The following KCNH7 variants were observed in gnomAD, a reference collection of about 807,000 sequenced individuals.
KCNH7 encodes potassium voltage-gated channel subfamily H member 7, also known as voltage-gated inwardly rectifying potassium channel KCNH7.
In KCNH7, 49 loss-of-function variants were observed where a neutral mutation model predicts 120.8. The ratio of observed to expected loss-of-function variants is 0.41; its 90% CI spans 0.32 to 0.51. KCNH7 has a LOEUF of 0.51. Among genes scored for constraint, KCNH7 ranks in the 20% least tolerant of loss-of-function variants. The pLI is 0.38. For synonymous variants in KCNH7, 547 were observed against 516.1 expected (o/e 1.06, Z -0.81); for missense variants, 1,097 against 1,446.6 (o/e 0.76, Z 3.92).
chr2:162,379,340 C>T (rs1230053264), intron 14 of KCNH7, among the ~76,000 whole-genome samples: 1 of 152,168 alleles, frequency 6.6e-6, no homozygotes, highest in Non-Finnish European at 1.5e-5. Context: ...ATTTATTCAT[C>T]ATGTTAAGTG....
chr2:162,522,095 T>C (rs1691551045), intron 3 of KCNH7, among the ~76,000 whole-genome samples: 1 of 151,934 alleles, frequency 6.6e-6, no homozygotes. Flanking sequence ...ACAACTGTTT[T>C]GCAAGCATTC....
At chr2:162,664,545 T>A (rs1346906197) in intron 2 of KCNH7, among the ~76,000 whole-genome samples, 1 of 152,198 alleles carries the variant, frequency 6.6e-6, no homozygotes, top group African/African-American at 2.4e-5. Context: ...AATCTGAATC[T>A]AATTCTAATT....
intron 2 of KCNH7, among the ~76,000 whole-genome samples, chr2:162,596,357 A>T (rs1694380711): frequency 6.6e-6 from 1 of 152,070 alleles, no homozygotes; most frequent in African/African-American, 2.4e-5. Flanking sequence ...ACAACAGACA[A>T]ATCAACTAAT....
At chr2:162,475,543 C>T (rs1473403100) in intron 6 of KCNH7, among the ~76,000 whole-genome samples, 1 of 152,134 alleles carries the variant, frequency 6.6e-6, no homozygotes, top group East Asian at 1.9e-4. Flanking sequence ...ATAACACATA[C>T]AGTACAGCCA....
chr2:162,386,466 GTTTCATTTTTCT>G (rs1686574457), intron 12 of KCNH7, among the ~76,000 whole-genome samples: 1 of 151,780 alleles, frequency 6.6e-6, no homozygotes, highest in African/African-American at 2.4e-5. Flanking sequence ...AAAAACGAAA[GTTTCATTTTTCT>G]AAATTATCCT....
chr2:162,606,961 T>C (rs927901998), intron 2 of KCNH7, among the ~76,000 whole-genome samples: 8 of 152,162 alleles, frequency 5.3e-5, no homozygotes, highest in African/African-American at 1.9e-4. Flanking sequence ...TTGGGAATGT[T>C]ATATTATCAC....
rs77171708 is a variant in KCNH7, at chr2:162,497,531, A to T, written c.1128+6912T>A. On this transcript the variant is annotated intron_variant, in intron 6 of 15. Transcript: ENST00000332142. Reference sequence around the variant, plus strand: ...GGTGTCACAGTCAAATGTTACAAGTATGTCCAACTGCCACAGTAACTCCTG... The same window carrying T: ...GGTGTCACAGTCAAATGTTACAAGTTTGTCCAACTGCCACAGTAACTCCTG... Among the ~76,000 whole-genome samples the T allele has an allele frequency of 9.2e-3, 1,404 of 152,282 alleles. 30 individuals carry two copies. The highest frequency in any genetic ancestry group is 0.032 in the African/African-American group (1,337 of 41,548).
intron 2 of KCNH7, among the ~76,000 whole-genome samples, chr2:162,788,959 A>G (rs1683815282): frequency 1.4e-5 from 2 of 147,360 alleles, no homozygotes; most frequent in Admixed American, 6.8e-5. Flanking sequence ...ATGCCAGAAG[A>G]TGATGGGATG....
At chr2:162,670,375 G>C (rs1685301902) in intron 2 of KCNH7, among the ~76,000 whole-genome samples, 1 of 149,532 alleles carries the variant, frequency 6.7e-6, no homozygotes, top group African/African-American at 2.5e-5. Flanking sequence ...TCGGGAGTCT[G>C]AGGCAAGAGA....
At chr2:162,538,388 G>C (rs1217961178) in intron 2 of KCNH7, among the ~76,000 whole-genome samples, 1 of 151,998 alleles carries the variant, frequency 6.6e-6, no homozygotes, top group Non-Finnish European at 1.5e-5. Flanking sequence ...AACTAGCTGA[G>C]ACCACCTTGA....
At chr2:162,693,545 G>C (rs923749093) in intron 2 of KCNH7, among the ~76,000 whole-genome samples, 2 of 152,160 alleles carry the variant, frequency 1.3e-5, no homozygotes, top group Non-Finnish European at 2.9e-5. Flanking sequence ...GAGAGTGAAA[G>C]GTTATTTTCA....
At chr2:162,807,282 A>C (rs1052595075) in intron 2 of KCNH7, among the ~76,000 whole-genome samples, 3 of 149,382 alleles carry the variant, frequency 2.0e-5, no homozygotes, top group African/African-American at 5.0e-5. Flanking sequence ...AAAAAAAAAA[A>C]ACAAATTAGC....
At chr2:162,648,409 C>A (rs1314086383) in intron 2 of KCNH7, among the ~76,000 whole-genome samples, 3 of 152,136 alleles carry the variant, frequency 2.0e-5, no homozygotes, top group Non-Finnish European at 4.4e-5. Flanking sequence ...CCACCAGGTC[C>A]TTCCTTCAAC....
At chr2:162,785,073 C>G (rs1235186971) in intron 2 of KCNH7, 1 of 152,164 alleles carries the variant, frequency 6.6e-6, no homozygotes. Context: ...AGTCATAATT[C>G]CTTAGACCTC....
intron 2 of KCNH7, among the ~76,000 whole-genome samples, chr2:162,778,946 C>CTTT (rs200107249): frequency 6.6e-5 from 9 of 136,472 alleles, no homozygotes; most frequent in African/African-American, 1.6e-4. Context: ...GGAACAAATT[C>CTTT]TTTTTTTTTT....
intron 2 of KCNH7, among the ~76,000 whole-genome samples, chr2:162,720,865 C>T (rs1687302327): frequency 6.6e-6 from 1 of 152,076 alleles, no homozygotes; most frequent in South Asian, 2.1e-4. Flanking sequence ...AGAATATTTC[C>T]TCATTTTTTG....
At chr2:162,460,460 A>G (rs1244758362) in intron 6 of KCNH7, among the ~76,000 whole-genome samples, 2 of 152,196 alleles carry the variant, frequency 1.3e-5, no homozygotes, top group African/African-American at 4.8e-5. Context: ...TGGAGGATGA[A>G]ATTAGAATTC....
At position 162,779,764 on chromosome 2, in the gene KCNH7, C is replaced by A. The variant is rs538533686; in HGVS notation, c.307+56773G>T. ...TGAGCCAACCACGCTCCCTCATGGT[C>A]TCTTCCCTCTCAGAATAATTTTGCT... On this transcript the variant is annotated intron_variant, in intron 2 of 15. Coordinates refer to ENST00000332142, the MANE Select transcript of KCNH7 (RefSeq NM_033272.4). Among the ~76,000 whole-genome samples the A allele has an allele frequency of 3.3e-5, 5 of 152,286 alleles. No individual in the cohort carries two copies. In the South Asian group the frequency reaches 1.0e-3, roughly 32 times the overall value.
At chr2:162,671,352 A>T (rs1430196766) in intron 2 of KCNH7, among the ~76,000 whole-genome samples, 1 of 151,746 alleles carries the variant, frequency 6.6e-6, no homozygotes, top group Non-Finnish European at 1.5e-5. Flanking sequence ...GACTATATAT[A>T]CCATGGATTA....
Sources: gnomAD v4.1 joint callset for allele counts (sites outside exome capture counted in the v4.1 genomes callset) on GRCh38, gnomAD v4.1.1 for gene constraint, MANE v1.5 for transcripts, NCBI Gene and HGNC (gene_info 2026-07-23, HGNC 2026-07-21) for gene names.